Variants in BMERB1 observed in about 807,000 individuals in gnomAD.
BMERB1 encodes the protein bMERB domain-containing protein 1.
BMERB1 carries 12 observed loss-of-function variants against 23.6 expected under a neutral mutation model. The ratio of observed to expected loss-of-function variants is 0.51; its 90% confidence interval spans 0.33 to 0.82. BMERB1 has a LOEUF of 0.82. BMERB1 is among the 40% of genes least tolerant of loss of function. BMERB1 has a pLI of 0.03. For missense variants in BMERB1, 247 were observed against 255.4 expected, an observed-to-expected ratio of 0.97 and a Z score of 0.22; for synonymous variants, 122 against 96.6, an observed-to-expected ratio of 1.26 and a Z score of -1.54.
chr16:15,576,423 C>G (rs1444936164), intron 3 of BMERB1, among the ~76,000 whole-genome samples: 2 of 152,146 alleles, frequency 1.3e-5, no homozygotes, highest in Non-Finnish European at 2.9e-5. Context: ...GCCTGTTCCC[C>G]TCTCTCATTT....
intron 1 of BMERB1, among the ~76,000 whole-genome samples, chr16:15,512,589 A>G (rs1438452653): frequency 2.0e-5 from 3 of 152,234 alleles, no homozygotes; most frequent in East Asian, 1.9e-4. Flanking sequence ...TACAAAAAGA[A>G]AAAAGAAGAC....
At chr16:15,573,216 G>A (rs1057162169) in intron 3 of BMERB1, among the ~76,000 whole-genome samples, 2 of 152,306 alleles carry the variant, frequency 1.3e-5, no homozygotes, top group Admixed American at 6.5e-5. Context: ...AATGCTTCAA[G>A]CCTGACCTCC....
At chr16:15,451,552 CT>C (rs35544766) in intron 1 of BMERB1, among the ~76,000 whole-genome samples, 168 of 84,018 alleles carry the variant, frequency 2.0e-3, no homozygotes, top group African/African-American at 3.0e-3. Flanking sequence ...CTTAGTATTT[CT>C]TTTTTTTTTT....
At chr16:15,515,761 T>C (rs1567479101) in intron 2 of BMERB1, among the ~76,000 whole-genome samples, 1 of 152,114 alleles carries the variant, frequency 6.6e-6, no homozygotes, top group Non-Finnish European at 1.5e-5. Flanking sequence ...TGCTCTCAGA[T>C]AGGCCTGAGT....
intron 1 of BMERB1, among the ~76,000 whole-genome samples, chr16:15,494,210 G>A (rs2150940263): frequency 6.6e-6 from 1 of 152,232 alleles, no homozygotes; most frequent in East Asian, 1.9e-4. Flanking sequence ...TTTTAACCGG[G>A]CAATTGTTGT....
chr16:15,497,112 C>G (rs76752915), intron 1 of BMERB1, among the ~76,000 whole-genome samples: 2,113 of 152,292 alleles, frequency 0.014, 57 homozygotes, highest in African/African-American at 0.049. Context: ...CCAGGGGATT[C>G]GTCTAGGTCC....
chr16:15,468,021 G>A (rs1197941671), intron 1 of BMERB1, among the ~76,000 whole-genome samples: 1 of 151,854 alleles, frequency 6.6e-6, no homozygotes. Flanking sequence ...TGGAGACCAA[G>A]GTTTCATTCT....
chr16:15,515,621 AAG>A lies in BMERB1; in HGVS notation c.230+194_230+195del, dbSNP rs1395347690. Among the ~76,000 whole-genome samples, 68 of 152,206 alleles carry A rather than the reference AAG, an allele frequency of 4.5e-4. No homozygotes were observed. The East Asian group carries it at 0.013, about 29-fold the overall frequency. On this transcript the variant is annotated intron_variant, in intron 2 of 5. Coordinates refer to ENST00000300006, the MANE Select transcript of BMERB1 (RefSeq NM_033201.3). The stretch of plus-strand genomic sequence containing the variant: ...ATCTCCTGTTTTAAGCAAGACCCTG[AAG>A]TTGGAATTGAATTCAGGCCAATCTG...
At chr16:15,517,758 ATG>A (rs1460225835) in intron 2 of BMERB1, among the ~76,000 whole-genome samples, 3 of 142,076 alleles carry the variant, frequency 2.1e-5, no homozygotes, top group Non-Finnish European at 4.4e-5. Flanking sequence ...ATTTGTGTGG[ATG>A]TGTGTGGATG....
chr16:15,495,421 A>G (rs1461994545), intron 1 of BMERB1, among the ~76,000 whole-genome samples: 2 of 151,428 alleles, frequency 1.3e-5, no homozygotes, highest in Non-Finnish European at 2.9e-5. Context: ...GCTGGAGTGC[A>G]GTGGCATGAT....
chr16:15,485,249 C>T (rs1481433757), intron 1 of BMERB1, among the ~76,000 whole-genome samples: 6 of 152,244 alleles, frequency 3.9e-5, no homozygotes, highest in South Asian at 4.1e-4. Flanking sequence ...CTCCAAATTG[C>T]ATTCAGAAAA....
intron 1 of BMERB1, among the ~76,000 whole-genome samples, chr16:15,454,467 C>G (rs2051067075): frequency 6.6e-6 from 1 of 152,108 alleles, no homozygotes; most frequent in South Asian, 2.1e-4. Flanking sequence ...ATGCATGAGC[C>G]AAGTGTGATG....
intron 2 of BMERB1, among the ~76,000 whole-genome samples, chr16:15,539,130 G>T (rs964937790): frequency 6.6e-6 from 1 of 152,120 alleles, no homozygotes; most frequent in Admixed American, 6.6e-5. Flanking sequence ...ATCAGTGGGA[G>T]CCCTGAGCTT....
chr16:15,505,633 T>A (rs1271356250), intron 1 of BMERB1, among the ~76,000 whole-genome samples: 1 of 152,174 alleles, frequency 6.6e-6, no homozygotes, highest in Non-Finnish European at 1.5e-5. Flanking sequence ...CTCACGCCTG[T>A]AATCCCAGCA....
intron 1 of BMERB1, among the ~76,000 whole-genome samples, chr16:15,455,662 ATG>A (rs2051080628): frequency 2.6e-5 from 4 of 151,914 alleles, no homozygotes; most frequent in South Asian, 2.1e-4. Flanking sequence ...GGGTTTCTCC[ATG>A]TTGGTCAGGC....
intron 2 of BMERB1, among the ~76,000 whole-genome samples, chr16:15,544,626 T>C (rs2052115072): frequency 6.6e-6 from 1 of 152,204 alleles, no homozygotes; most frequent in Non-Finnish European, 1.5e-5. Flanking sequence ...TCCTGTTGAA[T>C]GTAAACAATT....
At chr16:15,561,935 A>C (rs2030432973) in intron 2 of BMERB1, among the ~76,000 whole-genome samples, 1 of 152,158 alleles carries the variant, frequency 6.6e-6, no homozygotes. Context: ...TGGGCATTTG[A>C]CTGTGTAGGT....
At chr16:15,545,169 C>T (rs1205072043) in intron 2 of BMERB1, among the ~76,000 whole-genome samples, 1 of 152,064 alleles carries the variant, frequency 6.6e-6, no homozygotes, top group Non-Finnish European at 1.5e-5. Flanking sequence ...GACGGGGTTT[C>T]ACCATGTTGG....
At chr16:15,572,517 C>T (rs1742270160) in intron 3 of BMERB1, among the ~76,000 whole-genome samples, 2 of 152,136 alleles carry the variant, frequency 1.3e-5, no homozygotes, top group Non-Finnish European at 1.5e-5. Context: ...GGTTGCACAA[C>T]TCTGCAAATA....
Sources: allele counts gnomAD v4.1 joint callset (sites outside exome capture counted in the v4.1 genomes callset), GRCh38; gene constraint gnomAD v4.1.1; transcripts MANE v1.5; gene names NCBI Gene and HGNC (gene_info 2026-07-23, HGNC 2026-07-21).